The following PIAS2 variants were observed in gnomAD, a reference collection of about 807,000 sequenced individuals.
The protein encoded by PIAS2 is protein inhibitor of activated STAT 2, also known as E3 SUMO-protein ligase PIAS2.
Under a neutral mutation model 69.7 loss-of-function variants are expected in PIAS2, and 19 were observed. The ratio of observed to expected loss-of-function variants is 0.27; its 90% CI spans 0.19 to 0.40. PIAS2 has a LOEUF of 0.40. PIAS2 is among the 10% of genes least tolerant of loss of function. PIAS2 has a pLI of 1.00. For synonymous variants in PIAS2, 261 were observed against 263.2 expected (o/e 0.99, Z 0.08); for missense variants, 624 against 757.0 (o/e 0.82, Z 2.06).
rs112217640 is a variant in PIAS2, at chr18:46,816,087, T to C, written c.1649-738A>G. 7.5e-3 allele frequency: 7,370 copies of C among 984,886 alleles called. 43 individuals carry two copies. The highest frequency in any genetic ancestry group is 0.011 in the South Asian group (243 of 21,278). 61.0% of individuals were successfully genotyped at this position (984,886 alleles called of 1,614,324 possible). A position where few individuals can be genotyped will look rare whatever the true frequency, so the allele number is the denominator to read the frequency against. ...TAATAAACTTCAACATCAGTTCACC[T>C]AGACCTCCCTGTGTGACTAAACTCT... On this transcript the variant is annotated intron_variant, in intron 12 of 13. Transcript: ENST00000585916.
intron 11 of PIAS2, among the ~76,000 whole-genome samples, chr18:46,824,838 A>C (rs1163063704): frequency 7.0e-6 from 1 of 143,582 alleles, no homozygotes; most frequent in Non-Finnish European, 1.5e-5. Flanking sequence ...CCCCATGTTT[A>C]CAAAAAAAAA....
At chr18:46,857,867 G>A (rs370157475) in intron 3 of PIAS2, among the ~76,000 whole-genome samples, 7 of 152,194 alleles carry the variant, frequency 4.6e-5, no homozygotes, top group East Asian at 3.8e-4. Context: ...TTTACCATAT[G>A]CTAGGTACTG....
rs1489101017 is a variant in PIAS2 at position 46,805,775 on chromosome 18, G to A, written c.*6658C>T. The stretch of plus-strand genomic sequence containing the variant: ...TAATACAGAATGGAGATAAGTGAAG[G>A]CAAAAATGGATGACAAGGGAGGTTT... On this transcript the variant is annotated 3_prime_UTR_variant, in exon 14 of 14. Transcript: ENST00000585916. The A allele has an allele frequency of 6.6e-6, 1 of 152,036 alleles. No homozygotes were observed. Among genetic ancestry groups the A allele is most frequent in the Non-Finnish European group, 1.5e-5 (1 of 67,996 alleles). The allele number at this position is 152,036 out of a possible 1,614,324, so 9.4% of individuals were successfully genotyped here.
intron 11 of PIAS2, chr18:46,827,002 TG>T (rs2042931829): frequency 6.6e-6 from 1 of 152,198 alleles, no homozygotes; most frequent in Non-Finnish European, 1.5e-5. Flanking sequence ...GAAAGTTTTT[TG>T]GGTGTTGAAA....
intron 1 of PIAS2, chr18:46,915,723 C>T (rs1486468024): frequency 6.6e-6 from 1 of 151,370 alleles, no homozygotes; most frequent in Non-Finnish European, 1.5e-5. Context: ...AAATTCTTCG[C>T]TTTACATTAA....
intron 10 of PIAS2, among the ~76,000 whole-genome samples, chr18:46,829,075 T>G (rs2043214293): frequency 6.6e-6 from 1 of 152,094 alleles, no homozygotes; most frequent in African/African-American, 2.4e-5. Context: ...ATGCAGTGAG[T>G]AGACTGTTAG....
At chr18:46,865,535 A>G (rs1419239336) in intron 2 of PIAS2, among the ~76,000 whole-genome samples, 1 of 152,048 alleles carries the variant, frequency 6.6e-6, no homozygotes, top group African/African-American at 2.4e-5. Context: ...AAAAAAAAAA[A>G]AAAAAGGCAA....
intron 2 of PIAS2, among the ~76,000 whole-genome samples, chr18:46,872,292 G>C (rs1168699176): frequency 6.6e-6 from 1 of 152,208 alleles, no homozygotes; most frequent in East Asian, 1.9e-4. Context: ...GGTTTACAGT[G>C]ATAGACTTAA....
At chr18:46,912,137 A>T (rs1416302382) in intron 1 of PIAS2, among the ~76,000 whole-genome samples, 6 of 152,134 alleles carry the variant, frequency 3.9e-5, no homozygotes, top group Non-Finnish European at 8.8e-5. Context: ...TCCCAAAAGG[A>T]AAGGGATCGG....
chr18:46,876,318 T>G lies in PIAS2; in HGVS notation c.500-12070A>C, dbSNP rs911445322. Among the ~76,000 whole-genome samples the G allele has an allele frequency of 3.3e-5, 5 of 152,234 alleles. No homozygotes were observed. In the East Asian group the frequency reaches 7.7e-4, roughly 23 times the overall value. Reference sequence around the variant, plus strand: ...CTGGAGTCCCGAGAGGAGTGCCAGATGAATTTAAGGTGCAAAATCAGATAG... The same window carrying G: ...CTGGAGTCCCGAGAGGAGTGCCAGAGGAATTTAAGGTGCAAAATCAGATAG... On this transcript the variant is annotated intron_variant, in intron 2 of 13. Transcript: ENST00000585916.
rs555128439 is a variant in PIAS2 at position 46,883,747 on chromosome 18, T to A, written c.499+6833A>T. Among the ~76,000 whole-genome samples, 33 of 152,126 alleles carry A rather than the reference T, an allele frequency of 2.2e-4. No homozygotes were observed. In the South Asian group the frequency reaches 2.7e-3, roughly 12 times the overall value. ...GTCACAGCTACTCAGGAAGCCTAGG[T>A]AGGAGGATTGCTTCAGCCCAGGAGG... On this transcript the variant is annotated intron_variant, in intron 2 of 13. Transcript: ENST00000585916.
intron 12 of PIAS2, chr18:46,815,977 A>T: frequency 1.0e-6 from 1 of 985,374 alleles, no homozygotes; most frequent in Non-Finnish European, 1.2e-6. Flanking sequence ...TAGAAAGAGG[A>T]ATGTGTAAAA....
chr18:46,806,537 G>C lies in PIAS2; in HGVS notation c.*5896C>G, dbSNP rs1166404079. The C allele has an allele frequency of 6.6e-6, 1 of 151,488 alleles. No homozygotes were observed. Among genetic ancestry groups the C allele is most frequent in the East Asian group, 1.9e-4 (1 of 5,160 alleles). The allele number at this position is 151,488 out of a possible 1,614,324, so 9.4% of individuals were successfully genotyped here. On this transcript the variant is annotated 3_prime_UTR_variant, in exon 14 of 14. Coordinates refer to ENST00000585916, the MANE Select transcript of PIAS2 (RefSeq NM_004671.5). ...CATGCCCTAATTTTTTGTATTTTTA[G>C]TAGAGATGGGGTTTTACCAAGTTGG...
chr18:46,895,693 C>T (rs1217942941), intron 1 of PIAS2, among the ~76,000 whole-genome samples: 2 of 152,078 alleles, frequency 1.3e-5, no homozygotes, highest in African/African-American at 2.4e-5. Flanking sequence ...TAATCATCTA[C>T]ATCTTCATTT....
intron 8 of PIAS2, among the ~76,000 whole-genome samples, chr18:46,839,512 TA>T (rs1465859462): frequency 2.0e-5 from 3 of 152,204 alleles, no homozygotes; most frequent in African/African-American, 7.2e-5. Context: ...AATAACGTTC[TA>T]ACTCAGCCTA....
intron 1 of PIAS2, among the ~76,000 whole-genome samples, chr18:46,911,691 AAG>A (rs2057283184): frequency 6.6e-6 from 1 of 152,230 alleles, no homozygotes; most frequent in Non-Finnish European, 1.5e-5. Context: ...AAAACTTTAG[AAG>A]AGTTATAAAA....
chr18:46,917,519 G>A (rs1033553192), upstream of PIAS2: 2 of 1,165,460 alleles, frequency 1.7e-6, no homozygotes, highest in Non-Finnish European at 2.1e-6. Flanking sequence ...AACGGCGCGG[G>A]AGCTCCGCCT....
chr18:46,855,009 G>A (rs990008014), intron 5 of PIAS2, among the ~76,000 whole-genome samples: 3 of 145,546 alleles, frequency 2.1e-5, no homozygotes, highest in Non-Finnish European at 4.5e-5. Context: ...GTGCACAACT[G>A]TATTCCCCAC....
At position 46,844,136 on chromosome 18, in the gene PIAS2, A is replaced by G. The variant is rs1466142581; in HGVS notation, c.968-9T>C. ...AGTAAGTTTTTCTTTAACTTTAAAA[A>G]GAAGAGAAAAAAAAAAATTTAAAAA... On this transcript the variant is annotated splice_polypyrimidine_tract_variant and intron_variant, in intron 7 of 13. Transcript: ENST00000585916. 6.4e-6 allele frequency: 9 copies of G among 1,404,252 alleles called. No homozygotes were observed. The highest frequency in any genetic ancestry group is 1.9e-5 in the African/African-American group (1 of 53,556). The allele number at this position is 1,404,252 out of a possible 1,614,324, so 87.0% of individuals were successfully genotyped here.
Sources: allele counts gnomAD v4.1 joint callset (sites outside exome capture counted in the v4.1 genomes callset), GRCh38; gene constraint gnomAD v4.1.1; transcripts MANE v1.5; gene names NCBI Gene and HGNC (gene_info 2026-07-23, HGNC 2026-07-21).